Variants in TAOK1 observed in about 807,000 individuals in gnomAD.
TAOK1 encodes the protein TAO kinase 1.
In TAOK1, 21 loss-of-function variants were observed where a neutral mutation model predicts 138.3. The ratio of observed to expected loss-of-function variants is 0.15; its 90% CI spans 0.11 to 0.22. The LOEUF is 0.22. Among genes scored for constraint, TAOK1 ranks in the 10% least tolerant of loss-of-function variants. TAOK1 has a pLI of 1.00. For missense variants in TAOK1, 651 were observed against 1,227.7 expected (o/e 0.53, Z 7.02); for synonymous variants, 361 against 398.4 (o/e 0.91, Z 1.12).
chr17:29,417,766 C>G (rs984252764), intron 1 of TAOK1, among the ~76,000 whole-genome samples: 6 of 152,198 alleles, frequency 3.9e-5, no homozygotes, highest in Admixed American at 6.5e-5. Flanking sequence ...ACCTGCCGCC[C>G]TTTCCCCAGA....
rs1220029098 is a variant in TAOK1 at position 29,438,646 on chromosome 17, T to G, written c.-94-12809T>G. Among the ~76,000 whole-genome samples the G allele has an allele frequency of 2.0e-5, 3 of 152,180 alleles. No homozygotes were observed. In the South Asian group the frequency reaches 6.2e-4, roughly 32 times the overall value. On this transcript the variant is annotated intron_variant, in intron 1 of 19. Coordinates refer to ENST00000261716, the MANE Select transcript of TAOK1 (RefSeq NM_020791.4). Reference sequence around the variant, plus strand: ...CGAGGCTGCAGTGAGATCGTGGCACTGCATTTCAGCCTGCATAACAGAGTG... The same window carrying G: ...CGAGGCTGCAGTGAGATCGTGGCACGGCATTTCAGCCTGCATAACAGAGTG...
rs574022115 is a variant in TAOK1 at position 29,452,531 on chromosome 17, G to C, written c.132+851G>C. Reference sequence around the variant, plus strand: ...ATTAAAAAAACTTATCAAATTTGCTGTTTTAATTATTTTTTAACATTTGCA... The same window carrying C: ...ATTAAAAAAACTTATCAAATTTGCTCTTTTAATTATTTTTTAACATTTGCA... On this transcript the variant is annotated intron_variant, in intron 2 of 19. Coordinates refer to ENST00000261716, the MANE Select transcript of TAOK1 (RefSeq NM_020791.4). Among the ~76,000 whole-genome samples, 138 of 152,074 alleles carry C rather than the reference G, an allele frequency of 9.1e-4. 1 individual carries two copies. The highest frequency in any genetic ancestry group is 4.7e-4 in the Non-Finnish European group (32 of 68,012).
At chr17:29,413,881 C>CTTTTTTTTT (rs34539579) in intron 1 of TAOK1, among the ~76,000 whole-genome samples, 2 of 101,250 alleles carry the variant, frequency 2.0e-5, no homozygotes, top group Non-Finnish European at 3.7e-5. Flanking sequence ...TTTCTGGCTT[C>CTTTTTTTTT]TTTTTTTTTT....
chr17:29,399,819 C>T (rs958865548), intron 1 of TAOK1, among the ~76,000 whole-genome samples: 1 of 152,040 alleles, frequency 6.6e-6, no homozygotes, highest in Non-Finnish European at 1.5e-5. Context: ...CAGCCTCAAT[C>T]TTCTGGACTT....
At chr17:29,447,056 A>G (rs1431493060) in intron 1 of TAOK1, among the ~76,000 whole-genome samples, 2 of 144,056 alleles carry the variant, frequency 1.4e-5, no homozygotes, top group Non-Finnish European at 3.0e-5. Context: ...TTTTTTTTTA[A>G]GGGAAGAGGT....
intron 1 of TAOK1, among the ~76,000 whole-genome samples, chr17:29,449,033 T>C (rs769385133): frequency 1.1e-4 from 16 of 152,124 alleles, no homozygotes; most frequent in Admixed American, 2.6e-4. Flanking sequence ...GAGTGGGAAT[T>C]TGTTAGGTAG....
intron 18 of TAOK1, chr17:29,530,851 A>G (rs541522669): frequency 1.8e-6 from 1 of 554,452 alleles, no homozygotes; most frequent in Admixed American, 3.1e-5. Flanking sequence ...GCTCCCTGCC[A>G]GCACAGATCC....
chr17:29,405,729 A>G (rs1317863412), intron 1 of TAOK1, among the ~76,000 whole-genome samples: 1 of 152,112 alleles, frequency 6.6e-6, no homozygotes, highest in Non-Finnish European at 1.5e-5. Context: ...CAGTGAGCCG[A>G]CATCGAACCT....
chr17:29,412,686 T>C (rs1438254926), intron 1 of TAOK1, among the ~76,000 whole-genome samples: 1 of 152,214 alleles, frequency 6.6e-6, no homozygotes, highest in Admixed American at 6.5e-5. Context: ...CTAATTGAAT[T>C]TTTAAAGTTT....
At chr17:29,475,629 A>G in intron 3 of TAOK1, 41 bp from the exon 4 acceptor site, 1 of 1,319,414 alleles carries the variant, frequency 7.6e-7, no homozygotes, top group Non-Finnish European at 1.1e-6. Flanking sequence ...TTTCTGAGGA[A>G]AAGTCCTGTT....
At chr17:29,468,134 A>ATTTTTTTTTTT (rs2030720265) in intron 3 of TAOK1, among the ~76,000 whole-genome samples, 1 of 48,808 alleles carries the variant, frequency 2.0e-5, no homozygotes, top group African/African-American at 1.5e-4. Context: ...GCCTGCTTTC[A>ATTTTTTTTTTT]ATTTTTTTTT....
At position 29,451,544 on chromosome 17, in the gene TAOK1, G is replaced by A. The variant is rs1034957067; in HGVS notation, c.-5G>A. ...TAGAATCAAGACAGCTGACTGCTCA[G>A]CAGGATGCCATCAACTAACAGAGCA... On this transcript the variant is annotated 5_prime_UTR_variant, in exon 2 of 20. Transcript: ENST00000261716. 5.6e-6 allele frequency: 9 copies of A among 1,609,284 alleles called. No individual in the cohort carries two copies. Among genetic ancestry groups the A allele is most frequent in the Admixed American group, 1.7e-5 (1 of 59,288 alleles).
intron 1 of TAOK1, among the ~76,000 whole-genome samples, chr17:29,402,143 A>AC (rs1269196872): frequency 1.3e-5 from 2 of 152,146 alleles, no homozygotes; most frequent in African/African-American, 4.8e-5. Flanking sequence ...GATAGCAAGG[A>AC]CTTTGCCTAA....
chr17:29,539,866 C>A (rs1172036741), intron 19 of TAOK1, among the ~76,000 whole-genome samples: 1 of 152,086 alleles, frequency 6.6e-6, no homozygotes, highest in Non-Finnish European at 1.5e-5. Context: ...GGTGACAGAG[C>A]AAGACCCTGT....
chr17:29,541,148 C>T (rs1179013344), intron 19 of TAOK1, among the ~76,000 whole-genome samples: 1 of 151,894 alleles, frequency 6.6e-6, no homozygotes, highest in Non-Finnish European at 1.5e-5. Context: ...CTCAGTCTGT[C>T]GCCGAGGCTG....
intron 8 of TAOK1, among the ~76,000 whole-genome samples, 167 bp downstream of exon 8, chr17:29,482,455 T>C (rs1265996264): frequency 6.6e-6 from 1 of 152,226 alleles, no homozygotes; most frequent in African/African-American, 2.4e-5. Flanking sequence ...GTTTTATTTA[T>C]ATTAGGGTTA....
At chr17:29,529,716 A>G (rs1488009035) in intron 17 of TAOK1, among the ~76,000 whole-genome samples, 1 of 152,140 alleles carries the variant, frequency 6.6e-6, no homozygotes, top group African/African-American at 2.4e-5. Context: ...AAATACAAAA[A>G]TTAGCTGGGC....
chr17:29,433,603 A>G (rs1015668938), intron 1 of TAOK1, among the ~76,000 whole-genome samples: 1 of 151,894 alleles, frequency 6.6e-6, no homozygotes, highest in African/African-American at 2.4e-5. Flanking sequence ...ATTGGGTGAA[A>G]AGGGAAAAAA....
chr17:29,397,743 A>G (rs1904699501), intron 1 of TAOK1, among the ~76,000 whole-genome samples: 1 of 114,790 alleles, frequency 8.7e-6, no homozygotes. Flanking sequence ...ATATACACGT[A>G]TATATACACG....
Sources: allele counts gnomAD v4.1 joint callset (sites outside exome capture counted in the v4.1 genomes callset), GRCh38; gene constraint gnomAD v4.1.1; transcripts MANE v1.5; gene names NCBI Gene and HGNC (gene_info 2026-07-23, HGNC 2026-07-21).